ARPC1B: variants seen among roughly 807,000 people sequenced by gnomAD.
The protein encoded by ARPC1B is actin related protein 2/3 complex subunit 1B, also known as actin-related protein 2/3 complex subunit 1B.
Under a neutral mutation model 46.0 loss-of-function variants are expected in ARPC1B, and 29 were observed. That is an observed-to-expected ratio of 0.63 (90% CI 0.47 to 0.86). The LOEUF is 0.86. Among genes scored for constraint, ARPC1B ranks in the 40% least tolerant of loss-of-function variants. The probability of loss-of-function intolerance (pLI) is 0.00; values close to 1 mark genes in which losing one functional copy is unlikely to be tolerated. For synonymous variants in ARPC1B, 201 were observed against 213.9 expected (o/e 0.94, Z 0.53); for missense variants, 469 against 529.4 (o/e 0.89, Z 1.12).
In ARPC1B at chr7:99,386,727, A is replaced by T. The variant is rs767687212; in HGVS notation, c.107A>T (p.Glu36Val). 1.9e-6 allele frequency: 3 copies of T among 1,614,146 alleles called. No individual in the cohort carries two copies. In the South Asian group the frequency reaches 3.3e-5, roughly 18 times the overall value. ...AACAACCATGAGGTGCATATCTATG[A>T]AAAGAGCGGTGCCAAATGGACCAAG... ...CPNNHEVHIY[E>V]KSGAKWTKVH... is the part of the protein sequence containing the mutation. Residue 36 changes from glutamate (E) to valine (V), a missense_variant, in exon 3 of 10, where the codon GAA becomes GTA. Glu to Val is a moderately radical substitution (Grantham distance 121, BLOSUM62 -2). Transcript: ENST00000646101.
rs148318220 is a variant in ARPC1B, at chr7:99,379,927, G to A, written c.-14+5146G>A. Among the ~76,000 whole-genome samples, 621 of 152,124 alleles carry A rather than the reference G, an allele frequency of 4.1e-3. 3 individuals carry two copies. Among genetic ancestry groups the A allele is most frequent in the African/African-American group, 0.014 (575 of 41,460 alleles). ...CCGAAAGTGCTGGGATTACAGGCGT[G>A]AGCCACTGTGCCCGGCTATCCCCTC... On this transcript the variant is annotated intron_variant, in intron 1 of 9. Coordinates refer to ENST00000646101, the MANE Select transcript of ARPC1B (RefSeq NM_005720.4).
chr7:99,383,704 T>C (rs1275488142), intron 1 of ARPC1B, among the ~76,000 whole-genome samples: 1 of 152,154 alleles, frequency 6.6e-6, no homozygotes, highest in Non-Finnish European at 1.5e-5. Flanking sequence ...TGTGTGCCGG[T>C]ATCTGGGGGA....
intron 7 of ARPC1B, among the ~76,000 whole-genome samples, chr7:99,392,370 C>CT (rs539532544): frequency 2.0e-4 from 31 of 152,336 alleles, no homozygotes; most frequent in African/African-American, 7.2e-4. Flanking sequence ...GTCAGGCTTG[C>CT]TTTTTGCCTA....
chr7:99,392,850 A>C lies in ARPC1B; in HGVS notation c.963A>C (p.Leu321=), dbSNP rs1217884798. Residue 321 remains leucine (L), a synonymous_variant, in exon 8 of 10, where the codon CTA becomes CTC. Transcript: ENST00000646101. ...SEGGTAAGAG[L]DSLHKNSVSQ... ...GTGGCACGGCTGCGGGCGCGGGCCT[A>C]GACTCGCTGCACAAGAACAGCGTCA... 1 of 1,547,814 alleles carries C rather than the reference A, an allele frequency of 6.5e-7. No individual in the cohort carries two copies. The highest frequency in any genetic ancestry group is 1.2e-5 in the South Asian group (1 of 84,008).
At position 99,383,091 on chromosome 7, in the gene ARPC1B, C is replaced by T. The variant is rs539525026; in HGVS notation, c.-13-2611C>T. ...AACTCCTGACCTCAGGTGATCCGCC[C>T]GCCTCGGCCTCCCAAAGTGCTGGGA... On this transcript the variant is annotated intron_variant, in intron 1 of 9. Coordinates refer to ENST00000646101, the MANE Select transcript of ARPC1B (RefSeq NM_005720.4). Among the ~76,000 whole-genome samples the T allele has an allele frequency of 3.7e-3, 555 of 150,626 alleles. 4 individuals carry two copies. Among genetic ancestry groups the T allele is most frequent in the African/African-American group, 0.012 (486 of 41,046 alleles).
At chr7:99,382,305 G>A (rs761158001) in intron 1 of ARPC1B, among the ~76,000 whole-genome samples, 23 of 150,890 alleles carry the variant, frequency 1.5e-4, no homozygotes, top group South Asian at 2.1e-4. Flanking sequence ...ATGGTGGTGC[G>A]CACCTGTAAT....
chr7:99,387,876 G>T (rs765688460), intron 3 of ARPC1B, among the ~76,000 whole-genome samples, 163 bp from the exon 4 acceptor site: 85 of 152,086 alleles, frequency 5.6e-4, no homozygotes, highest in Admixed American at 9.2e-4. Flanking sequence ...CTCCAGCCTG[G>T]GTGACAGAGC....
intron 1 of ARPC1B, among the ~76,000 whole-genome samples, chr7:99,376,792 C>A (rs2150884274): frequency 6.6e-6 from 1 of 151,814 alleles, no homozygotes; most frequent in East Asian, 1.9e-4. Flanking sequence ...ATCGCTAGAA[C>A]CTGGGAGGCG....
At chr7:99,385,455 A>C (rs1312624171) in intron 1 of ARPC1B, among the ~76,000 whole-genome samples, 1 of 152,074 alleles carries the variant, frequency 6.6e-6, no homozygotes, top group Non-Finnish European at 1.5e-5. Context: ...CTGGAGCCTC[A>C]GAGACATCCT....
chr7:99,377,036 G>A (rs903889931), intron 1 of ARPC1B, among the ~76,000 whole-genome samples: 4 of 151,948 alleles, frequency 2.6e-5, no homozygotes, highest in African/African-American at 9.7e-5. Flanking sequence ...TCTGGAGTCC[G>A]GGTCTCATTG....
chr7:99,384,485 C>T (rs1053700141), intron 1 of ARPC1B, among the ~76,000 whole-genome samples: 1 of 152,154 alleles, frequency 6.6e-6, no homozygotes, highest in Non-Finnish European at 1.5e-5. Context: ...GAGTTCATGG[C>T]TGCAGTGAGC....
At chr7:99,382,293 G>T (rs1044496215) in intron 1 of ARPC1B, among the ~76,000 whole-genome samples, 2 of 151,574 alleles carry the variant, frequency 1.3e-5, no homozygotes, top group Non-Finnish European at 2.9e-5. Flanking sequence ...TAAAAATTAG[G>T]CATGGTGGTG....
chr7:99,387,883 G>C (rs13236076), intron 3 of ARPC1B, among the ~76,000 whole-genome samples, 156 bp from the exon 4 acceptor site: 12,513 of 151,670 alleles, frequency 0.083, 719 homozygotes, highest in Non-Finnish European at 0.13. Context: ...CTGGGTGACA[G>C]AGCGAGACTC....
chr7:99,386,565 G>C (rs1236513606), intron 2 of ARPC1B, 120 bp from the exon 3 acceptor site: 1 of 870,060 alleles, frequency 1.1e-6, no homozygotes, highest in African/African-American at 1.6e-5. Flanking sequence ...CTGCAAGGCA[G>C]AAGAGGAGAG....
At position 99,392,775 on chromosome 7, in the gene ARPC1B, G is replaced by A; in HGVS notation, c.888G>A (p.Leu296=). The change falls in exon 8 of 10, where the codon TTG becomes TTA. Residue 296 remains leucine, a synonymous_variant. Transcript: ENST00000646101. ...CTAAGCAGAGCTCGCAGCGTGGCTT[G>A]ACGGCCCGCGAGCGCTTCCAGAACC... is the stretch of plus-strand genomic sequence containing the variant. The part of the protein sequence containing the change: ...DVPKQSSQRG[L]TARERFQNLD... 2 of 1,549,786 alleles carry A rather than the reference G, an allele frequency of 1.3e-6. No homozygotes were observed. The highest frequency in any genetic ancestry group is 1.7e-6 in the Non-Finnish European group (2 of 1,146,674).
chr7:99,391,327 C>G (rs1794565874), intron 7 of ARPC1B, 74 bp downstream of exon 7: 1 of 1,428,642 alleles, frequency 7.0e-7, no homozygotes, highest in South Asian at 1.2e-5. Context: ...CTCTCATCTC[C>G]TCCCTCCTTT....
In ARPC1B at chr7:99,391,046, C is replaced by T; in HGVS notation, c.654C>T (p.Ala218=). The T allele has an allele frequency of 6.2e-7, 1 of 1,614,004 alleles. No individual in the cohort carries two copies. The highest frequency in any genetic ancestry group is 1.1e-5 in the South Asian group (1 of 91,092). The change falls in exon 6 of 10, where the codon GCC becomes GCT. Residue 218 remains alanine (A), a synonymous_variant. Transcript: ENST00000646101. Reference sequence around the variant, plus strand: ...TCTCAGCCAGCGGGAGCCGCGTGGCCTGGGTAAGCCACGACAGCACCGTCT... The same window carrying T: ...TCTCAGCCAGCGGGAGCCGCGTGGCTTGGGTAAGCCACGACAGCACCGTCT... ...VCFSASGSRV[A]WVSHDSTVCL... is the part of the protein sequence containing the mutation.
intron 7 of ARPC1B, chr7:99,392,254 G>C (rs532456811): frequency 5.6e-6 from 1 of 179,672 alleles, no homozygotes; most frequent in African/African-American, 2.4e-5. Flanking sequence ...CGGGGTGTGC[G>C]GTTCCTCCAG....
chr7:99,388,027 A>G lies in ARPC1B; in HGVS notation c.170-12A>G, dbSNP rs1259093679. 19 of 1,562,148 alleles carry G rather than the reference A, an allele frequency of 1.2e-5. No individual in the cohort carries two copies. The highest frequency in any genetic ancestry group is 1.7e-5 in the Non-Finnish European group (19 of 1,135,660). On this transcript the variant is annotated splice_polypyrimidine_tract_variant and intron_variant, in intron 3 of 9. Coordinates refer to ENST00000646101, the MANE Select transcript of ARPC1B (RefSeq NM_005720.4). ...GTCATCAGCCTCCTGTGTTCCCTCC[A>G]TCCCCCCACAGGCATCGACTGGGCC...
Sources: allele counts gnomAD v4.1 joint callset (sites outside exome capture counted in the v4.1 genomes callset), GRCh38; gene constraint gnomAD v4.1.1; transcripts MANE v1.5; gene names NCBI Gene and HGNC (gene_info 2026-07-23, HGNC 2026-07-21).